The following COL5A1 variants were observed in gnomAD, a reference collection of about 807,000 sequenced individuals.
COL5A1 encodes collagen alpha-1(V) chain.
A neutral mutation model predicts 263.7 loss-of-function variants in COL5A1; 16 were observed. That is an observed-to-expected ratio of 0.06 (90% CI 0.04 to 0.09). COL5A1 has a LOEUF of 0.09. COL5A1 is among the 10% of genes least tolerant of loss of function. The probability of loss-of-function intolerance (pLI) is 1.00; values close to 1 mark genes in which losing one functional copy is unlikely to be tolerated. For missense variants in COL5A1, 2,036 were observed against 2,540.5 expected (o/e 0.80, Z 4.27); for synonymous variants, 1,012 against 1,004.5 (o/e 1.01, Z -0.14).
intron 11 of COL5A1, among the ~76,000 whole-genome samples, chr9:134,746,293 G>T (rs1401911005): frequency 6.6e-6 from 1 of 152,198 alleles, no homozygotes; most frequent in Non-Finnish European, 1.5e-5. Flanking sequence ...CTGCCCTCCT[G>T]CTCCAGCTCT....
chr9:134,702,560 C>T (rs184771816), intron 4 of COL5A1, among the ~76,000 whole-genome samples: 8 of 152,350 alleles, frequency 5.3e-5, no homozygotes, highest in Admixed American at 5.2e-4. Context: ...GCGAAGGAGA[C>T]ATCACACGTA....
At chr9:134,835,730 G>C (rs71506923) in intron 65 of COL5A1, among the ~76,000 whole-genome samples, 2,084 of 152,338 alleles carry the variant, frequency 0.014, 23 homozygotes, top group South Asian at 0.029. Flanking sequence ...CGGAGCGGCG[G>C]GAGGCTTGCT....
intron 19 of COL5A1, among the ~76,000 whole-genome samples, chr9:134,762,937 C>T (rs1221700447): frequency 6.6e-6 from 1 of 151,794 alleles, no homozygotes; most frequent in African/African-American, 2.4e-5. Flanking sequence ...AGGGAGTGCA[C>T]GTATCTGTGT....
intron 1 of COL5A1, among the ~76,000 whole-genome samples, chr9:134,669,140 C>T (rs1454243289): frequency 6.6e-6 from 1 of 151,692 alleles, no homozygotes; most frequent in East Asian, 1.9e-4. Flanking sequence ...CATCCACCCT[C>T]CCTTCCACCT....
intron 32 of COL5A1, among the ~76,000 whole-genome samples, chr9:134,790,401 CCCAG>C (rs1837633144): frequency 9.4e-6 from 1 of 106,742 alleles, no homozygotes; most frequent in African/African-American, 3.6e-5. Flanking sequence ...CACCCACCCA[CCCAG>C]CCACCCAGCC....
At chr9:134,767,816 C>A (rs1443649660) in intron 24 of COL5A1, among the ~76,000 whole-genome samples, 1 of 152,190 alleles carries the variant, frequency 6.6e-6, no homozygotes, top group African/African-American at 2.4e-5. Context: ...GTCGCTTAAC[C>A]AGGCACAAGA....
chr9:134,735,282 C>T (rs998202318), intron 9 of COL5A1, among the ~76,000 whole-genome samples: 7 of 151,980 alleles, frequency 4.6e-5, no homozygotes, highest in African/African-American at 9.7e-5. Context: ...CACAGACAGA[C>T]ACAGTGAAGT....
At position 134,682,344 on chromosome 9, in the gene COL5A1, C is replaced by T. The variant is rs756966232; in HGVS notation, c.110-8568C>T. Among the ~76,000 whole-genome samples, 37 of 152,172 alleles carry T rather than the reference C, an allele frequency of 2.4e-4. No individual in the cohort carries two copies. The highest frequency in any genetic ancestry group is 1.8e-3 in the Admixed American group (28 of 15,274). On this transcript the variant is annotated intron_variant, in intron 1 of 65. Transcript: ENST00000371817. This position sits in a 1 kb window ranked among gnomAD's most constrained non-coding sequence, Gnocchi z 5.1. ...CTGTACCTGTGTCACCCAAGAGCTG[C>T]GGCTTCCTTTAGCCACCACAGCGGG...
chr9:134,665,646 T>C (rs1042015046), intron 1 of COL5A1, among the ~76,000 whole-genome samples: 4 of 152,184 alleles, frequency 2.6e-5, no homozygotes, highest in African/African-American at 7.2e-5. Context: ...CAGGTGGGTC[T>C]TTGGAAGGTG....
At chr9:134,783,116 G>A (rs1461547274) in intron 29 of COL5A1, among the ~76,000 whole-genome samples, 8 of 152,232 alleles carry the variant, frequency 5.3e-5, no homozygotes, top group African/African-American at 1.7e-4. Flanking sequence ...CCAGCCTACC[G>A]AAGGAGCGCA....
At chr9:134,646,536 C>G (rs1188528097) in intron 1 of COL5A1, among the ~76,000 whole-genome samples, 1 of 152,234 alleles carries the variant, frequency 6.6e-6, no homozygotes, top group African/African-American at 2.4e-5. Context: ...CATTCACGGG[C>G]TTGGCAGGTG....
intron 28 of COL5A1, among the ~76,000 whole-genome samples, chr9:134,782,136 G>C (rs1837277337): frequency 6.6e-6 from 1 of 152,320 alleles, no homozygotes; most frequent in South Asian, 2.1e-4. Flanking sequence ...AGGTTCACCA[G>C]TAACCCAGGG....
intron 29 of COL5A1, among the ~76,000 whole-genome samples, chr9:134,783,737 C>T (rs1005862223): frequency 5.3e-5 from 8 of 152,292 alleles, no homozygotes; most frequent in South Asian, 2.1e-4. Context: ...AGGCAATCTG[C>T]ACCTCTGTGG....
Position 134,701,263 on chromosome 9 carries a change from A to G in COL5A1, c.584A>G (p.Asp195Gly). The G allele has an allele frequency of 6.2e-7, 1 of 1,614,034 alleles. No individual in the cohort carries two copies. Among genetic ancestry groups the G allele is most frequent in the South Asian group, 1.1e-5 (1 of 91,084 alleles). ...KKTTKFLDRSDHPMIDINGII... is the reference protein window; with the variant it reads ...KKTTKFLDRSGHPMIDINGII... Reference sequence around the variant, plus strand: ...ACCACCAAATTCCTCGACCGCAGCGACCACCCCATGATCGACATCAATGGC... The same window carrying G: ...ACCACCAAATTCCTCGACCGCAGCGGCCACCCCATGATCGACATCAATGGC... Residue 195 changes from aspartate to glycine, a missense_variant, in exon 4 of 66, where the codon GAC becomes GGC. Around this residue, in one of 3 missense-constraint regions of COL5A1, gnomAD observed 600 missense variants for 634.5 expected, o/e 0.95. Transcript: ENST00000371817.
intron 57 of COL5A1, among the ~76,000 whole-genome samples, chr9:134,819,420 T>C (rs1179758637): frequency 6.6e-6 from 1 of 152,228 alleles, no homozygotes; most frequent in African/African-American, 2.4e-5. Flanking sequence ...ATTTCTGCAG[T>C]GGGAGCAAAG....
chr9:134,659,560 G>A (rs1832136608), intron 1 of COL5A1, among the ~76,000 whole-genome samples: 1 of 152,090 alleles, frequency 6.6e-6, no homozygotes, highest in Non-Finnish European at 1.5e-5. Flanking sequence ...TTTTTCTTTG[G>A]GGTCTTCATC....
chr9:134,805,045 G>T lies in COL5A1; in HGVS notation c.3185G>T (p.Arg1062Leu), dbSNP rs771807198. 5.0e-6 allele frequency: 8 copies of T among 1,613,964 alleles called. No individual in the cohort carries two copies. Among genetic ancestry groups the T allele is most frequent in the Non-Finnish European group, 6.8e-6 (8 of 1,179,980 alleles). Residue 1062 changes from arginine to leucine, a missense_variant, in exon 40 of 66, where the codon CGA becomes CTA. Arg to Leu is a moderately radical substitution (Grantham distance 102). This residue lies in a region of COL5A1 where 1,078 missense variants were observed against 1,521.4 expected (regional missense o/e 0.71). Transcript: ENST00000371817. ...GGATTACGTGGTTTCCCTGGGGACC[G>T]AGGGCTTCCTGGTCCAGTGGTGAGT... ...PPGLRGFPGD[R>L]GLPGPVGALG...
At chr9:134,747,901 A>G (rs1014252017) in intron 11 of COL5A1, among the ~76,000 whole-genome samples, 1 of 151,904 alleles carries the variant, frequency 6.6e-6, no homozygotes, top group East Asian at 1.9e-4. Context: ...TCATACACAC[A>G]TGCAGACACA....
At chr9:134,706,646 T>A (rs1042972532) in intron 4 of COL5A1, among the ~76,000 whole-genome samples, 1 of 152,108 alleles carries the variant, frequency 6.6e-6, no homozygotes, top group Non-Finnish European at 1.5e-5. Flanking sequence ...ACCTCGGAAA[T>A]CATGACACAA....
Sources: gnomAD v4.1 joint callset for allele counts (sites outside exome capture counted in the v4.1 genomes callset) on GRCh38, gnomAD v4.1.1 for gene constraint, gnomAD v4.1.1 regional missense constraint, Gnocchi (gnomAD v3.1) non-coding constraint, MANE v1.5 for transcripts, NCBI Gene and HGNC (gene_info 2026-07-23, HGNC 2026-07-21) for gene names.